The following FNDC1 variants were observed in gnomAD, a reference collection of about 807,000 sequenced individuals.
FNDC1 encodes the protein fibronectin type III domain-containing protein 1.
A neutral mutation model predicts 168.0 loss-of-function variants in FNDC1; 96 were observed. The ratio of observed to expected loss-of-function variants is 0.57; its 90% CI spans 0.48 to 0.68. The LOEUF (loss-of-function observed/expected upper bound fraction) is 0.68, where lower values mean the gene tolerates loss of function less well. Ranked by LOEUF, FNDC1 falls within the 30% of genes least tolerant of loss-of-function variation. The probability of loss-of-function intolerance (pLI) is 0.00; values close to 1 mark genes in which losing one functional copy is unlikely to be tolerated. For synonymous variants in FNDC1, 1,099 were observed against 1,025.9 expected (o/e 1.07, Z -1.36); for missense variants, 2,587 against 2,482.1 (o/e 1.04, Z -0.90).
At chr6:159,187,063 G>A (rs567553297) in intron 1 of FNDC1, among the ~76,000 whole-genome samples, 2 of 152,330 alleles carry the variant, frequency 1.3e-5, no homozygotes, top group African/African-American at 2.4e-5. Context: ...CAGGAGTGCC[G>A]CTGGCTCCTC....
At chr6:159,230,431 G>T (rs796275270) in intron 10 of FNDC1, among the ~76,000 whole-genome samples, 18 of 152,278 alleles carry the variant, frequency 1.2e-4, no homozygotes, top group African/African-American at 3.6e-4. Context: ...TACCCACTGG[G>T]TACAATATTC....
chr6:159,247,784 C>T (rs1777169066), intron 15 of FNDC1, among the ~76,000 whole-genome samples: 1 of 152,090 alleles, frequency 6.6e-6, no homozygotes, highest in African/African-American at 2.4e-5. Flanking sequence ...TACAAAGTGC[C>T]TTGGACAGCA....
intron 1 of FNDC1, among the ~76,000 whole-genome samples, chr6:159,179,699 A>G (rs139303100): frequency 5.9e-5 from 9 of 152,296 alleles, no homozygotes; most frequent in African/African-American, 2.2e-4. Context: ...GCTGGAATGT[A>G]AGCTCCACGA....
chr6:159,247,933 T>C (rs569673305), intron 15 of FNDC1, among the ~76,000 whole-genome samples: 1 of 152,312 alleles, frequency 6.6e-6, no homozygotes, highest in East Asian at 1.9e-4. Flanking sequence ...AGTGCCGGCC[T>C]TTGACACCAG....
chr6:159,268,794 G>A (rs560170336), intron 22 of FNDC1, among the ~76,000 whole-genome samples: 31 of 149,984 alleles, frequency 2.1e-4, no homozygotes, highest in Non-Finnish European at 4.0e-4. Context: ...TTATGTATGT[G>A]TGTATCTATC....
chr6:159,200,780 A>G lies in FNDC1; in HGVS notation c.460+199A>G, dbSNP rs540943392. Among the ~76,000 whole-genome samples, 4 of 152,112 alleles carry G rather than the reference A, an allele frequency of 2.6e-5. No homozygotes were observed. In the East Asian group the frequency reaches 7.7e-4, roughly 29 times the overall value. On this transcript the variant is annotated intron_variant, in intron 4 of 22. Transcript: ENST00000297267. ...CTGTAACCAGTGTTGCTTATTGTTC[A>G]CCGTTCTTTCATGTTCTCGCGTGGG...
At chr6:159,227,297 G>T (rs73023714) in intron 9 of FNDC1, among the ~76,000 whole-genome samples, 1,850 of 152,288 alleles carry the variant, frequency 0.012, 27 homozygotes, top group Non-Finnish European at 0.015. Context: ...CTATGCAAAT[G>T]TACTCTAAGG....
intron 14 of FNDC1, 39 bp from the exon 15 acceptor site, chr6:159,246,862 G>A: frequency 6.9e-7 from 1 of 1,440,172 alleles, no homozygotes; most frequent in Non-Finnish European, 9.8e-7. Context: ...CCTGGAGAAG[G>A]AGCGCTGGAT....
rs370836539 is a variant in FNDC1 at position 159,232,346 on chromosome 6, G to A, written c.1834G>A (p.Ala612Thr). ...FSLATQPRPG[A>T]PPSASASPAH... ...CCTGGCCACGCAGCCCCGCCCAGGG[G>A]CGCCCCCCTCGGCTTCGGCCTCTCC... Residue 612 changes from alanine (A) to threonine (T), a missense_variant, in exon 11 of 23, where the codon GCG becomes ACG. Physicochemically the swap from Ala to Thr is moderately conservative, Grantham distance 58. Transcript: ENST00000297267. The surrounding 1 kb of genome is among the most constrained non-coding windows in gnomAD (Gnocchi z 4.9). The A allele has an allele frequency of 2.5e-5, 41 of 1,613,400 alleles. No homozygotes were observed. The highest frequency in any genetic ancestry group is 3.1e-5 in the Non-Finnish European group (37 of 1,179,716).
intron 4 of FNDC1, among the ~76,000 whole-genome samples, chr6:159,214,055 T>C (rs1042746492): frequency 2.6e-5 from 4 of 152,216 alleles, no homozygotes; most frequent in African/African-American, 9.6e-5. Context: ...AATGTATATA[T>C]GGAGGAAGAA....
intron 4 of FNDC1, among the ~76,000 whole-genome samples, chr6:159,205,154 A>G (rs1782461675): frequency 6.6e-6 from 1 of 152,218 alleles, no homozygotes; most frequent in Non-Finnish European, 1.5e-5. Flanking sequence ...CCTGGTTCAG[A>G]AAGTTGATAC....
intron 19 of FNDC1, among the ~76,000 whole-genome samples, chr6:159,261,518 A>G (rs1777484279): frequency 6.6e-6 from 1 of 152,220 alleles, no homozygotes; most frequent in Non-Finnish European, 1.5e-5. Flanking sequence ...AAAAATCTAG[A>G]TTTCAACAAC....
Position 159,269,499 on chromosome 6 carries a change from T to TATCC in FNDC1, c.5569+1584_5569+1587dup, listed in dbSNP as rs1329789906. Among the ~76,000 whole-genome samples the TATCC allele has an allele frequency of 1.6e-3, 142 of 87,414 alleles. 1 individual carries two copies. The highest frequency in any genetic ancestry group is 4.9e-3 in the African/African-American group (112 of 23,082). The allele number at this position is 87,414 out of a possible 152,430, so 57.3% of individuals were successfully genotyped here. A position where few individuals can be genotyped will look rare whatever the true frequency, so the allele number is the denominator to read the frequency against. ...CTATCTATCTATCTATCTATCTATCTATCCATCCATCCATGCATCCATCCA... is the reference window on the plus strand; with the variant it reads ...CTATCTATCTATCTATCTATCTATCTATCCATCCATCCATCCATGCATCCATCCA... On this transcript the variant is annotated intron_variant, in intron 22 of 22. Coordinates refer to ENST00000297267, the MANE Select transcript of FNDC1 (RefSeq NM_032532.3).
Position 159,233,980 on chromosome 6 carries a change from G to A in FNDC1, c.3468G>A (p.Pro1156=), listed in dbSNP as rs1483120086. The change falls in exon 11 of 23, where the codon CCG becomes CCA. Residue 1156 remains proline, a synonymous_variant. Coordinates refer to ENST00000297267, the MANE Select transcript of FNDC1 (RefSeq NM_032532.3). This position sits in a 1 kb window ranked among gnomAD's most constrained non-coding sequence, Gnocchi z 4.6. ...CCCGGGTACCCAGCAGGGCAGCGCC[G>A]GGGAAGTCGGAGCCTCCTTCCAAGC... ...SRARVPSRAA[P]GKSEPPSKRP... 2 of 1,597,496 alleles carry A rather than the reference G, an allele frequency of 1.3e-6. No homozygotes were observed. The highest frequency in any genetic ancestry group is 1.1e-5 in the South Asian group (1 of 88,782).
At chr6:159,218,337 C>T (rs1782746776) in intron 5 of FNDC1, 1 of 152,170 alleles carries the variant, frequency 6.6e-6, no homozygotes, top group Non-Finnish European at 1.5e-5. Context: ...TCTTGGGCTT[C>T]TGGTAAAATG....
At chr6:159,177,685 C>A (rs1781793242) in intron 1 of FNDC1, among the ~76,000 whole-genome samples, 1 of 152,080 alleles carries the variant, frequency 6.6e-6, no homozygotes, top group Non-Finnish European at 1.5e-5. Flanking sequence ...CAATAAAATC[C>A]CCCTGCAGAG....
At position 159,249,114 on chromosome 6, in the gene FNDC1, C is replaced by T; in HGVS notation, c.4766C>T (p.Pro1589Leu). The T allele has an allele frequency of 6.2e-7, 1 of 1,609,774 alleles. No homozygotes were observed. The change falls in exon 16 of 23, where the codon CCA becomes CTA. Residue 1589 changes from proline to leucine, a missense_variant. Transcript: ENST00000297267. The stretch of plus-strand genomic sequence containing the variant: ...ACTGCTACCACACCGAGGGTGATCC[C>T]AGAGGAAGGCGCCATCAGTTCCTTT... ...STTATTPRVI[P>L]EEGAISSFPE...
Position 159,183,945 on chromosome 6 carries a change from C to A in FNDC1, c.110-13486C>A, listed in dbSNP as rs1043461116. On this transcript the variant is annotated intron_variant, in intron 1 of 22. Transcript: ENST00000297267. ...TTTTATATCTTTGGTTCTGATTTAT[C>A]TCTGGGTTTATACTTATTGCTTTTA... is the stretch of plus-strand genomic sequence containing the variant. 2.0e-5 allele frequency among the ~76,000 whole-genome samples: 3 copies of A among 152,184 alleles called. No homozygotes were observed. In the East Asian group the frequency reaches 5.8e-4, roughly 29 times the overall value.
intron 4 of FNDC1, 68 bp from the exon 5 acceptor site, chr6:159,214,877 T>G: frequency 7.1e-7 from 1 of 1,402,186 alleles, no homozygotes; most frequent in Non-Finnish European, 1.0e-6. Flanking sequence ...TCTGAAGACC[T>G]CATGTGCATG....
Sources: gnomAD v4.1 joint callset for allele counts (sites outside exome capture counted in the v4.1 genomes callset) on GRCh38, gnomAD v4.1.1 for gene constraint, Gnocchi (gnomAD v3.1) non-coding constraint, MANE v1.5 for transcripts, NCBI Gene and HGNC (gene_info 2026-07-23, HGNC 2026-07-21) for gene names.